SLC22A24: variants seen among roughly 807,000 people sequenced by gnomAD.
The protein encoded by SLC22A24 is steroid transmembrane transporter SLC22A24.
In SLC22A24, 53 loss-of-function variants were observed where a neutral mutation model predicts 49.8. That is an observed-to-expected ratio of 1.06 (90% CI 0.85 to 1.34). The LOEUF (loss-of-function observed/expected upper bound fraction) is 1.34. Among genes scored for constraint, SLC22A24 ranks in the 40% most tolerant of loss-of-function variants. SLC22A24 has a pLI of 0.00. For synonymous variants in SLC22A24, 302 were observed against 256.4 expected (o/e 1.18, Z -1.70); for missense variants, 786 against 675.9 (o/e 1.16, Z -1.81).
chr11:63,092,023 C>T (rs184065426), intron 6 of SLC22A24, among the ~76,000 whole-genome samples: 1 of 152,288 alleles, frequency 6.6e-6, no homozygotes, highest in East Asian at 1.9e-4. Flanking sequence ...AGCCCCAAAA[C>T]TCCTTAAGCT....
intron 2 of SLC22A24, among the ~76,000 whole-genome samples, chr11:63,131,169 T>C (rs2087332384): frequency 6.6e-6 from 1 of 152,158 alleles, no homozygotes; most frequent in South Asian, 2.1e-4. Context: ...TATACACGTC[T>C]TTGTATGTGA....
Position 63,104,301 on chromosome 11 carries a change from G to C in SLC22A24, c.831-3C>G. 6.5e-7 allele frequency: 1 copy of C among 1,547,000 alleles called. No individual in the cohort carries two copies. The highest frequency in any genetic ancestry group is 1.2e-5 in the South Asian group (1 of 83,302). On this transcript the variant is annotated splice_region_variant and splice_polypyrimidine_tract_variant and intron_variant, in intron 4 of 9. Coordinates refer to ENST00000612278, the MANE Select transcript of SLC22A24 (RefSeq NM_001136506.2). The stretch of plus-strand genomic sequence containing the variant: ...ACCGAGCAGACTCCACCATCTTCCT[G>C]ATGAAAGAAGACAACATAGGTATAG...
At chr11:63,129,150 G>A (rs888792510) in intron 2 of SLC22A24, among the ~76,000 whole-genome samples, 3 of 152,134 alleles carry the variant, frequency 2.0e-5, no homozygotes, top group African/African-American at 7.2e-5. Flanking sequence ...GTTAATTTTT[G>A]TATAAGGTGT....
intron 2 of SLC22A24, among the ~76,000 whole-genome samples, chr11:63,120,686 T>A (rs67638007): frequency 0.12 from 17,970 of 152,036 alleles, 1,194 homozygotes; most frequent in Middle Eastern, 0.16. Context: ...GATACTAAAT[T>A]CTCAGTAGTA....
chr11:63,128,500 G>A (rs1049794640), intron 2 of SLC22A24, among the ~76,000 whole-genome samples: 4 of 152,088 alleles, frequency 2.6e-5, no homozygotes, highest in South Asian at 2.1e-4. Flanking sequence ...GCAGTTATCC[G>A]GAGGCCTAAC....
intron 4 of SLC22A24, among the ~76,000 whole-genome samples, chr11:63,111,995 A>C (rs538495597): frequency 6.6e-6 from 1 of 152,024 alleles, no homozygotes; most frequent in South Asian, 2.1e-4. Context: ...CTAGTGCTAT[A>C]AATTTCCCTC....
At chr11:63,114,979 C>T (rs1040938157) in intron 4 of SLC22A24, among the ~76,000 whole-genome samples, 1 of 152,142 alleles carries the variant, frequency 6.6e-6, no homozygotes, top group African/African-American at 2.4e-5. Context: ...GTCTGTCAGC[C>T]CCTACTGGGA....
chr11:63,104,109 G>GACTA, intron 5 of SLC22A24, 66 bp downstream of exon 5: 1 of 1,518,952 alleles, frequency 6.6e-7, no homozygotes, highest in African/African-American at 1.4e-5. Context: ...CAGGAACCTA[G>GACTA]ACTAGTATGA....
At chr11:63,104,060 A>G in intron 5 of SLC22A24, 115 bp downstream of exon 5, 1 of 998,740 alleles carries the variant, frequency 1.0e-6, no homozygotes, top group Non-Finnish European at 1.5e-6. Flanking sequence ...CAGGACAGAG[A>G]TGTAAGACTC....
At chr11:63,083,878 C>G (rs1222800310) in intron 6 of SLC22A24, among the ~76,000 whole-genome samples, 1 of 152,122 alleles carries the variant, frequency 6.6e-6, no homozygotes, top group African/African-American at 2.4e-5. Flanking sequence ...AGTTTCTTTG[C>G]AGCAGTTCAG....
At chr11:63,098,936 A>G (rs2087072226) in intron 5 of SLC22A24, among the ~76,000 whole-genome samples, 1 of 152,178 alleles carries the variant, frequency 6.6e-6, no homozygotes, top group Non-Finnish European at 1.5e-5. Flanking sequence ...TGACATTACA[A>G]CCAATACTGC....
In SLC22A24 at chr11:63,099,371, A is replaced by ATTTTTTTTTTTTTT. The variant is rs56708217; in HGVS notation, c.955-3279_955-3266dup. The stretch of plus-strand genomic sequence containing the variant: ...CCACCACACCTGGCTAATTTTTAAG[A>ATTTTTTTTTTTTTT]TTTTTTTTTTTTTTTTTTTTTTTTT... On this transcript the variant is annotated intron_variant, in intron 5 of 9. Transcript: ENST00000612278. 5.1e-3 allele frequency among the ~76,000 whole-genome samples: 265 copies of ATTTTTTTTTTTTTT among 52,338 alleles called. 30 individuals are homozygous for ATTTTTTTTTTTTTT. The highest frequency in any genetic ancestry group is 6.5e-3 in the Admixed American group (17 of 2,598). The allele number at this position is 52,338 out of a possible 152,430, so 34.3% of individuals were successfully genotyped here. A position where few individuals can be genotyped will look rare whatever the true frequency, so the allele number is the denominator to read the frequency against.
At chr11:63,112,627 G>T (rs113458113) in intron 4 of SLC22A24, among the ~76,000 whole-genome samples, 3,956 of 152,060 alleles carry the variant, frequency 0.026, 147 homozygotes, top group African/African-American at 0.089. Flanking sequence ...GTTGTGCTCA[G>T]ATCTTAGTTA....
At position 63,081,642 on chromosome 11, in the gene SLC22A24, A is replaced by T; in HGVS notation, c.1310T>A (p.Leu437Ter). ...PQEMQILRVV[L>*]ATLGIGSVSA... Reference sequence around the variant, plus strand: ...AACACTACCAATTCCCAAAGTTGCTAAAACCACACGCAGGATCTGCATTTC... The same window carrying T: ...AACACTACCAATTCCCAAAGTTGCTTAAACCACACGCAGGATCTGCATTTC... The change falls in exon 8 of 10, where the codon TTA becomes TAA. Residue 437 changes from leucine to a stop codon, truncating the protein, a stop_gained. Transcript: ENST00000612278. LOFTEE classifies it high-confidence loss of function. The T allele has an allele frequency of 6.4e-7, 1 of 1,551,400 alleles. No homozygotes were observed. Among genetic ancestry groups the T allele is most frequent in the Non-Finnish European group, 8.7e-7 (1 of 1,146,702 alleles).
intron 2 of SLC22A24, 60 bp from the exon 3 acceptor site, chr11:63,119,395 G>A (rs1257982853): frequency 1.4e-6 from 2 of 1,403,008 alleles, no homozygotes; most frequent in South Asian, 1.4e-5. Context: ...TGGAAAACTT[G>A]ACAAACAATG....
At chr11:63,131,611 T>A (rs2087336025) in intron 2 of SLC22A24, among the ~76,000 whole-genome samples, 1 of 152,212 alleles carries the variant, frequency 6.6e-6, no homozygotes, top group Non-Finnish European at 1.5e-5. Flanking sequence ...TGGCCCCCAA[T>A]CTTTTCTGGC....
At chr11:63,126,566 G>A (rs982665517) in intron 2 of SLC22A24, among the ~76,000 whole-genome samples, 2 of 152,148 alleles carry the variant, frequency 1.3e-5, no homozygotes, top group South Asian at 2.1e-4. Flanking sequence ...CTGTAGCCTT[G>A]TAGCATAATT....
intron 1 of SLC22A24, among the ~76,000 whole-genome samples, chr11:63,135,003 A>G (rs1192475374): frequency 6.6e-6 from 1 of 152,118 alleles, no homozygotes; most frequent in African/African-American, 2.4e-5. Context: ...ACCTTCCAAA[A>G]TATATATCCA....
chr11:63,094,790 T>C (rs1323529270), intron 6 of SLC22A24, among the ~76,000 whole-genome samples: 1 of 152,274 alleles, frequency 6.6e-6, no homozygotes, highest in Admixed American at 6.5e-5. Flanking sequence ...TTTTGAGAAG[T>C]GTCTGTTCAT....
Sources: allele counts gnomAD v4.1 joint callset (sites outside exome capture counted in the v4.1 genomes callset), GRCh38; gene constraint gnomAD v4.1.1; transcripts MANE v1.5; gene names NCBI Gene and HGNC (gene_info 2026-07-23, HGNC 2026-07-21).